The following KIRREL1 variants were observed in gnomAD, a reference collection of about 807,000 sequenced individuals.
KIRREL1 encodes the protein kirre like nephrin family adhesion molecule 1.
KIRREL1 carries 25 observed loss-of-function variants against 83.3 expected under a neutral mutation model. The ratio of observed to expected loss-of-function variants is 0.30; its 90% CI spans 0.22 to 0.42. The LOEUF is 0.42. Among genes scored for constraint, KIRREL1 ranks in the 10% least tolerant of loss-of-function variants. The probability of loss-of-function intolerance (pLI) is 1.00; values close to 1 mark genes in which losing one functional copy is unlikely to be tolerated. For synonymous variants in KIRREL1, 388 were observed against 410.4 expected (o/e 0.95, Z 0.66); for missense variants, 812 against 1,032.3 (o/e 0.79, Z 2.92).
At chr1:158,089,673 A>G (rs764956502) in intron 9 of KIRREL1, 45 bp downstream of exon 9, 10 of 1,613,798 alleles carry the variant, frequency 6.2e-6, no homozygotes, top group Non-Finnish European at 6.8e-6. Flanking sequence ...GCGGGCTGGT[A>G]CTGCAGTTTT....
chr1:158,068,229 T>C (rs1422259927), intron 1 of KIRREL1, among the ~76,000 whole-genome samples: 1 of 152,212 alleles, frequency 6.6e-6, no homozygotes, highest in Non-Finnish European at 1.5e-5. Context: ...AGTCCTTAAA[T>C]GTTTAGAAAC....
intron 1 of KIRREL1, among the ~76,000 whole-genome samples, chr1:158,054,467 A>G (rs1011682513): frequency 2.0e-5 from 3 of 152,122 alleles, no homozygotes; most frequent in African/African-American, 7.2e-5. Context: ...GCTGATGGCC[A>G]ACCTATGCCT....
At chr1:158,022,614 C>CT (rs1394175205) in intron 1 of KIRREL1, among the ~76,000 whole-genome samples, 1 of 152,246 alleles carries the variant, frequency 6.6e-6, no homozygotes, top group Admixed American at 6.5e-5. Flanking sequence ...TATAGATGTG[C>CT]TTCCCACTAT....
chr1:158,029,589 C>T (rs1023791727), intron 1 of KIRREL1, among the ~76,000 whole-genome samples: 8 of 152,110 alleles, frequency 5.3e-5, no homozygotes, highest in African/African-American at 1.7e-4. Context: ...CTCCGATGTA[C>T]ATCTAGTTTA....
chr1:158,050,382 A>AC (rs1473687749), intron 1 of KIRREL1, among the ~76,000 whole-genome samples: 1 of 152,030 alleles, frequency 6.6e-6, no homozygotes, highest in Non-Finnish European at 1.5e-5. Context: ...CCCCAAGGTC[A>AC]CACAGCTGGT....
At chr1:158,053,034 A>G (rs1660951139) in intron 1 of KIRREL1, among the ~76,000 whole-genome samples, 1 of 152,186 alleles carries the variant, frequency 6.6e-6, no homozygotes, top group Non-Finnish European at 1.5e-5. Flanking sequence ...CAAATCATTC[A>G]TGGAGATCTG....
At chr1:157,997,559 G>A (rs895412102) in intron 1 of KIRREL1, among the ~76,000 whole-genome samples, 3 of 152,026 alleles carry the variant, frequency 2.0e-5, no homozygotes, top group African/African-American at 4.8e-5. Context: ...ATCTCTCATG[G>A]AAAGAACTAT....
intron 1 of KIRREL1, among the ~76,000 whole-genome samples, chr1:158,061,500 T>C (rs1347330325): frequency 6.6e-6 from 1 of 151,986 alleles, no homozygotes; most frequent in Non-Finnish European, 1.5e-5. Context: ...TCAAGGTTTC[T>C]CCTACACCTG....
intron 1 of KIRREL1, among the ~76,000 whole-genome samples, chr1:158,020,200 A>T (rs1357558079): frequency 6.6e-6 from 1 of 151,998 alleles, no homozygotes; most frequent in African/African-American, 2.4e-5. Context: ...TATCCCAGTC[A>T]TCACCTCCGG....
chr1:158,097,825 C>T lies in KIRREL1; in HGVS notation c.*2705C>T, dbSNP rs1362115105. ...TTGTTTTAGTGGAAAGAGCAAGGGA[C>T]TAAAGGTCAGGAGACCCAGGACCCA... On this transcript the variant is annotated 3_prime_UTR_variant, in exon 15 of 15. Transcript: ENST00000359209. 6.6e-6 allele frequency: 1 copy of T among 152,216 alleles called. No homozygotes were observed. The highest frequency in any genetic ancestry group is 2.4e-5 in the African/African-American group (1 of 41,426). 9.4% of individuals were successfully genotyped at this position (152,216 alleles called of 1,614,324 possible).
chr1:158,049,229 A>G (rs1660852836), intron 1 of KIRREL1, among the ~76,000 whole-genome samples: 1 of 152,256 alleles, frequency 6.6e-6, no homozygotes, highest in Non-Finnish European at 1.5e-5. Context: ...TTTAAAAAGT[A>G]GTGCCTATCT....
intron 1 of KIRREL1, among the ~76,000 whole-genome samples, chr1:158,047,195 A>C (rs1330532483): frequency 2.0e-5 from 3 of 152,244 alleles, no homozygotes; most frequent in Non-Finnish European, 4.4e-5. Context: ...TTGTGCATCC[A>C]TGTATTTGCT....
chr1:158,092,468 C>T (rs1236882910), intron 11 of KIRREL1, among the ~76,000 whole-genome samples: 12 of 150,894 alleles, frequency 8.0e-5, no homozygotes, highest in Non-Finnish European at 1.3e-4. Context: ...CTACCTCAAC[C>T]TCCCGAGTAG....
chr1:158,046,988 A>T (rs556318752), intron 1 of KIRREL1, among the ~76,000 whole-genome samples: 1 of 152,300 alleles, frequency 6.6e-6, no homozygotes, highest in Non-Finnish European at 1.5e-5. Context: ...CTGTGGAAAC[A>T]ACAGGTTAAG....
chr1:158,003,073 G>A (rs1483151450), intron 1 of KIRREL1, among the ~76,000 whole-genome samples: 1 of 152,040 alleles, frequency 6.6e-6, no homozygotes, highest in Admixed American at 6.6e-5. Flanking sequence ...GCTTAGCTGA[G>A]TTTTTTTTAT....
chr1:158,046,466 C>T (rs1660779288), intron 1 of KIRREL1, among the ~76,000 whole-genome samples: 2 of 152,108 alleles, frequency 1.3e-5, no homozygotes, highest in Admixed American at 6.5e-5. Context: ...AGCGATGCCA[C>T]TGCAGCTGGA....
chr1:158,031,271 G>C (rs760314926), intron 1 of KIRREL1: 1 of 152,180 alleles, frequency 6.6e-6, no homozygotes, highest in Middle Eastern at 3.2e-3. Flanking sequence ...AACTAGGAAG[G>C]CTGCCTTTGC....
In KIRREL1 at chr1:158,091,381, C is replaced by A; in HGVS notation, c.1296C>A (p.Phe432Leu). 1 of 1,614,094 alleles carries A rather than the reference C, an allele frequency of 6.2e-7. No individual in the cohort carries two copies. The highest frequency in any genetic ancestry group is 8.5e-7 in the Non-Finnish European group (1 of 1,179,992). ...AGGCATGGGCCTGGAAGGAGAACTT[C>A]TTGGAGGTGGGGACCCTGGAACGCT... is the stretch of plus-strand genomic sequence containing the variant. Reference protein sequence around the residue: ...DRIAWAWKENFLEVGTLERYT... With the variant: ...DRIAWAWKENLLEVGTLERYT... The change falls in exon 11 of 15, where the codon TTC becomes TTA. Residue 432 changes from phenylalanine (F) to leucine (L), a missense_variant. Physicochemically the swap from Phe to Leu is conservative, Grantham distance 22. Transcript: ENST00000359209.
At chr1:158,015,545 C>A (rs920372840) in intron 1 of KIRREL1, among the ~76,000 whole-genome samples, 6 of 152,196 alleles carry the variant, frequency 3.9e-5, no homozygotes, top group African/African-American at 1.2e-4. Context: ...CTGTGAGACT[C>A]CTTACTGCAT....
Sources: allele counts gnomAD v4.1 joint callset (sites outside exome capture counted in the v4.1 genomes callset), GRCh38; gene constraint gnomAD v4.1.1; transcripts MANE v1.5; gene names NCBI Gene and HGNC (gene_info 2026-07-23, HGNC 2026-07-21).